Variants in TBC1D5 observed in about 807,000 individuals in gnomAD.
The protein encoded by TBC1D5 is TBC1 domain family, member 5.
TBC1D5 carries 75 observed loss-of-function variants against 100.3 expected under a neutral mutation model. That is an observed-to-expected ratio of 0.75 (90% CI 0.62 to 0.91). TBC1D5 has a LOEUF of 0.91. Among genes scored for constraint, TBC1D5 ranks in the 40% least tolerant of loss-of-function variants. The probability of loss-of-function intolerance (pLI) is 0.00; values close to 1 mark genes in which losing one functional copy is unlikely to be tolerated. For synonymous variants in TBC1D5, 323 were observed against 325.6 expected (o/e 0.99, Z 0.09); for missense variants, 910 against 942.4 (o/e 0.97, Z 0.45).
intron 3 of TBC1D5, among the ~76,000 whole-genome samples, chr3:17,491,667 TG>T (rs1218248006): frequency 1.3e-5 from 2 of 152,174 alleles, no homozygotes; most frequent in East Asian, 1.9e-4. Flanking sequence ...GACTTGATAA[TG>T]GTGGATAAAC....
chr3:17,268,783 C>T (rs1487686333), intron 15 of TBC1D5, among the ~76,000 whole-genome samples: 2 of 152,068 alleles, frequency 1.3e-5, no homozygotes, highest in Non-Finnish European at 2.9e-5. Flanking sequence ...TTCCCAGACC[C>T]CTTAAATTCC....
At chr3:17,417,290 A>G (rs1272731091) in intron 4 of TBC1D5, among the ~76,000 whole-genome samples, 1 of 151,696 alleles carries the variant, frequency 6.6e-6, no homozygotes, top group East Asian at 1.9e-4. Context: ...TGCTGCACCC[A>G]TTAACTCGTC....
intron 2 of TBC1D5, among the ~76,000 whole-genome samples, chr3:17,569,140 C>A (rs750097272): frequency 1.9e-4 from 29 of 151,832 alleles, no homozygotes; most frequent in Admixed American, 3.3e-4. Context: ...TGTTATCCTA[C>A]ATCATCTAAA....
At chr3:17,342,859 AT>A (rs2089226966) in intron 13 of TBC1D5, among the ~76,000 whole-genome samples, 1 of 152,218 alleles carries the variant, frequency 6.6e-6, no homozygotes, top group Admixed American at 6.5e-5. Flanking sequence ...TTTAAAGTGA[AT>A]GTATACTTTT....
chr3:17,553,761 TAAC>T (rs1368267097), intron 2 of TBC1D5, among the ~76,000 whole-genome samples: 1 of 152,228 alleles, frequency 6.6e-6, no homozygotes, highest in African/African-American at 2.4e-5. Flanking sequence ...TGTATCATGT[TAAC>T]AATTCTAAAA....
chr3:17,727,598 T>A (rs1212736132), intron 1 of TBC1D5, among the ~76,000 whole-genome samples: 1 of 152,178 alleles, frequency 6.6e-6, no homozygotes, highest in African/African-American at 2.4e-5. Context: ...TAAATGATTT[T>A]GCTAGAAAAA....
intron 4 of TBC1D5, among the ~76,000 whole-genome samples, chr3:17,422,969 TC>T (rs2094250105): frequency 6.6e-6 from 1 of 152,216 alleles, no homozygotes; most frequent in African/African-American, 2.4e-5. Context: ...ATGTACTTTT[TC>T]TTAGGCAGGA....
chr3:17,633,174 T>C (rs1268496557), intron 1 of TBC1D5, among the ~76,000 whole-genome samples: 1 of 152,132 alleles, frequency 6.6e-6, no homozygotes, highest in Non-Finnish European at 1.5e-5. Context: ...CGGTGACCCA[T>C]GCCTGTAATC....
rs2096754548 is a variant in TBC1D5, at chr3:17,589,763, A to C, written c.-36+34086T>G. ...CATTTAATATTTGTTGTCTACTGTC[A>C]GGTTTAGAATGTTGTCCATTCTAAA... is the stretch of plus-strand genomic sequence containing the variant. On this transcript the variant is annotated intron_variant, in intron 2 of 21. Coordinates refer to ENST00000253692, the Ensembl canonical transcript of TBC1D5. Among the ~76,000 whole-genome samples the C allele has an allele frequency of 1.3e-5, 2 of 152,212 alleles. 1 individual carries two copies. The highest frequency in any genetic ancestry group is 4.1e-4 in the South Asian group (2 of 4,836).
intron 18 of TBC1D5, among the ~76,000 whole-genome samples, chr3:17,191,218 C>G (rs928422545): frequency 2.0e-5 from 3 of 152,198 alleles, no homozygotes; most frequent in African/African-American, 7.2e-5. Flanking sequence ...TGACACTTAC[C>G]TTCTCTGTGA....
chr3:17,536,197 A>AATACAG (rs1240709952), intron 2 of TBC1D5, among the ~76,000 whole-genome samples: 18 of 152,110 alleles, frequency 1.2e-4, no homozygotes, highest in Non-Finnish European at 2.1e-4. Flanking sequence ...TGGGTTTTTT[A>AATACAG]AGCTTAATAC....
At chr3:17,660,603 A>C (rs74449641) in intron 1 of TBC1D5, among the ~76,000 whole-genome samples, 3,439 of 152,330 alleles carry the variant, frequency 0.023, 111 homozygotes, top group African/African-American at 0.077. Flanking sequence ...GAACTGAAGA[A>C]TGTTTGTTGT....
intron 3 of TBC1D5, among the ~76,000 whole-genome samples, chr3:17,447,326 A>G (rs1379286244): frequency 6.6e-6 from 1 of 152,222 alleles, no homozygotes; most frequent in Non-Finnish European, 1.5e-5. Flanking sequence ...AGTTACTAAG[A>G]TAAGAAGGAC....
chr3:17,184,089 A>G (rs1208550183), intron 19 of TBC1D5, among the ~76,000 whole-genome samples: 1 of 152,256 alleles, frequency 6.6e-6, no homozygotes, highest in Non-Finnish European at 1.5e-5. Context: ...AAAATGGTGC[A>G]TGACAAAAGC....
chr3:17,703,223 T>G (rs974036246), intron 1 of TBC1D5, among the ~76,000 whole-genome samples: 1 of 152,030 alleles, frequency 6.6e-6, no homozygotes, highest in East Asian at 1.9e-4. Flanking sequence ...CTTCTGAGTT[T>G]TTACTCAATT....
At chr3:17,704,486 C>T (rs1167371983) in intron 1 of TBC1D5, among the ~76,000 whole-genome samples, 1 of 138,722 alleles carries the variant, frequency 7.2e-6, no homozygotes, top group Admixed American at 7.2e-5. Flanking sequence ...CCTCACTTCC[C>T]AGTAGGGGCG....
At chr3:17,610,111 A>G (rs1225274966) in intron 2 of TBC1D5, among the ~76,000 whole-genome samples, 4 of 152,218 alleles carry the variant, frequency 2.6e-5, no homozygotes, top group Admixed American at 6.5e-5. Flanking sequence ...ATATCCAAAT[A>G]TAAGCATTGA....
intron 1 of TBC1D5, among the ~76,000 whole-genome samples, chr3:17,709,636 T>C (rs2074516934): frequency 6.6e-6 from 1 of 152,176 alleles, no homozygotes; most frequent in Non-Finnish European, 1.5e-5. Flanking sequence ...CCACTGATAA[T>C]GATTCTAACA....
intron 17 of TBC1D5, among the ~76,000 whole-genome samples, chr3:17,229,341 T>A (rs2075213624): frequency 6.6e-6 from 1 of 152,172 alleles, no homozygotes; most frequent in Non-Finnish European, 1.5e-5. Context: ...AAGACATGCA[T>A]CTTGCTGTCA....
Sources: allele counts gnomAD v4.1 joint callset (sites outside exome capture counted in the v4.1 genomes callset), GRCh38; gene constraint gnomAD v4.1.1; transcripts MANE v1.5; gene names NCBI Gene and HGNC (gene_info 2026-07-23, HGNC 2026-07-21).